PTPRN2: variants seen among roughly 807,000 people sequenced by gnomAD.
PTPRN2 encodes receptor-type tyrosine-protein phosphatase N2.
In PTPRN2, 74 loss-of-function variants were observed where a neutral mutation model predicts 118.8. That is an observed-to-expected ratio of 0.62 (90% CI 0.52 to 0.76). The LOEUF is 0.76. Ranked by LOEUF, PTPRN2 falls within the 30% of genes least tolerant of loss-of-function variation. The pLI is 0.00. For synonymous variants in PTPRN2, 641 were observed against 608.0 expected, an observed-to-expected ratio of 1.05 and a Z score of -0.80; for missense variants, 1,481 against 1,394.4, an observed-to-expected ratio of 1.06 and a Z score of -0.99.
intron 5 of PTPRN2, among the ~76,000 whole-genome samples, chr7:158,187,439 G>A (rs1825264627): frequency 6.6e-6 from 1 of 152,188 alleles, no homozygotes; most frequent in South Asian, 2.1e-4. Flanking sequence ...GCTGAGAGGG[G>A]AGGGGAGAAG....
At chr7:158,142,463 C>T (rs1008183486) in intron 6 of PTPRN2, among the ~76,000 whole-genome samples, 1 of 152,242 alleles carries the variant, frequency 6.6e-6, no homozygotes, top group Non-Finnish European at 1.5e-5. Flanking sequence ...TCAACAGCAG[C>T]TGTACCCAGA....
intron 1 of PTPRN2, among the ~76,000 whole-genome samples, chr7:158,503,511 A>G (rs942545594): frequency 7.2e-5 from 11 of 152,232 alleles, no homozygotes; most frequent in African/African-American, 2.7e-4. Flanking sequence ...AACTGGAAGC[A>G]TCCGTTCATT....
chr7:157,582,168 T>C (rs1800421270), intron 17 of PTPRN2, among the ~76,000 whole-genome samples: 1 of 152,168 alleles, frequency 6.6e-6, no homozygotes, highest in Admixed American at 6.5e-5. Context: ...CACTCTCTTC[T>C]TCACCCATCA....
intron 6 of PTPRN2, among the ~76,000 whole-genome samples, chr7:158,154,872 A>G (rs532740263): frequency 1.3e-5 from 2 of 152,350 alleles, no homozygotes; most frequent in African/African-American, 4.8e-5. Context: ...ACAGCATTTT[A>G]TGAACATGCT....
In PTPRN2 at chr7:157,690,254, T is replaced by C. The variant is rs977676996; in HGVS notation, c.1789-7317A>G. On this transcript the variant is annotated intron_variant, in intron 12 of 22. Transcript: ENST00000389418. This position sits in a 1 kb window ranked among gnomAD's most constrained non-coding sequence, Gnocchi z 7.1. ...CCTCACAGGCCCACCCTAGACCCAC[T>C]TGGGGATGATCCCAGGCGCAGCTCT... 1.3e-5 allele frequency among the ~76,000 whole-genome samples: 2 copies of C among 152,124 alleles called. No individual in the cohort carries two copies. The highest frequency in any genetic ancestry group is 6.5e-5 in the Admixed American group (1 of 15,286).
At chr7:158,531,050 G>C (rs530450160) in intron 1 of PTPRN2, among the ~76,000 whole-genome samples, 1 of 152,236 alleles carries the variant, frequency 6.6e-6, no homozygotes, top group African/African-American at 2.4e-5. Flanking sequence ...GTGCATGGGC[G>C]TGGGTGAGCA....
rs1262708012 is a variant in PTPRN2, at chr7:158,085,318, C to A, written c.1644-3941G>T. On this transcript the variant is annotated intron_variant, in intron 10 of 22. Coordinates refer to ENST00000389418, the MANE Select transcript of PTPRN2 (RefSeq NM_002847.5). ...CGACGCCCATCCACACCCACGACGC[C>A]CATTCACACATGCCCATCCACACCC... Among the ~76,000 whole-genome samples, 17 of 129,724 alleles carry A rather than the reference C, an allele frequency of 1.3e-4. 1 individual carries two copies. Among genetic ancestry groups the A allele is most frequent in the Admixed American group, 8.4e-4 (11 of 13,040 alleles). 85.1% of individuals were successfully genotyped at this position (129,724 alleles called of 152,430 possible).
intron 13 of PTPRN2, among the ~76,000 whole-genome samples, chr7:157,675,274 C>T (rs912409139): frequency 2.0e-5 from 3 of 152,152 alleles, no homozygotes; most frequent in Non-Finnish European, 4.4e-5. Context: ...TCCCTCCTGC[C>T]GAGCCCTCAC....
chr7:157,840,611 G>C (rs1344327575), intron 12 of PTPRN2, among the ~76,000 whole-genome samples: 1 of 152,240 alleles, frequency 6.6e-6, no homozygotes, highest in African/African-American at 2.4e-5. Context: ...CACAGAGCAG[G>C]CCCCGTGTTG....
At chr7:157,601,303 T>C (rs968638241) in intron 16 of PTPRN2, among the ~76,000 whole-genome samples, 4 of 152,244 alleles carry the variant, frequency 2.6e-5, no homozygotes, top group Non-Finnish European at 5.9e-5. Context: ...AGTTTTATCC[T>C]GCACAGCCAG....
At chr7:157,725,582 G>A (rs373873939) in intron 12 of PTPRN2, among the ~76,000 whole-genome samples, 293 of 107,174 alleles carry the variant, frequency 2.7e-3, no homozygotes, top group East Asian at 8.6e-3. Flanking sequence ...CCAGACCCTC[G>A]CCTCCCAGGA....
chr7:158,331,120 C>T (rs1481613437), intron 2 of PTPRN2, among the ~76,000 whole-genome samples: 26 of 149,316 alleles, frequency 1.7e-4, no homozygotes, highest in African/African-American at 4.7e-4. Context: ...CACCCACACT[C>T]TCACCATAAG....
At chr7:158,017,266 C>T (rs1473346174) in intron 11 of PTPRN2, among the ~76,000 whole-genome samples, 2 of 152,142 alleles carry the variant, frequency 1.3e-5, no homozygotes, top group African/African-American at 4.8e-5. Flanking sequence ...CCTTGGCTTT[C>T]CCAGCTAGGA....
At chr7:157,605,531 C>T (rs983219482) in intron 15 of PTPRN2, among the ~76,000 whole-genome samples, 8 of 152,174 alleles carry the variant, frequency 5.3e-5, no homozygotes, top group Admixed American at 2.6e-4. Context: ...CCCCACCATT[C>T]GACAGGTCCT....
chr7:157,813,820 C>A lies in PTPRN2; in HGVS notation c.1788+84853G>T, dbSNP rs983868353. 1.3e-5 allele frequency among the ~76,000 whole-genome samples: 2 copies of A among 152,212 alleles called. No individual in the cohort carries two copies. The highest frequency in any genetic ancestry group is 2.4e-5 in the African/African-American group (1 of 41,452). The stretch of plus-strand genomic sequence containing the variant: ...CCCTGAGTCAGAATGGCCTGGAGCG[C>A]GGGTAAAACAGCTCGGGGCCAGCCA... On this transcript the variant is annotated intron_variant, in intron 12 of 22. Transcript: ENST00000389418. This position sits in a 1 kb window ranked among gnomAD's most constrained non-coding sequence, Gnocchi z 4.7.
At chr7:157,625,750 GA>G (rs971859799) in intron 14 of PTPRN2, among the ~76,000 whole-genome samples, 2 of 151,838 alleles carry the variant, frequency 1.3e-5, no homozygotes, top group Non-Finnish European at 2.9e-5. Flanking sequence ...AGTTAGCTCA[GA>G]AAAAAAACCT....
chr7:158,543,016 T>A (rs115627314), intron 1 of PTPRN2, among the ~76,000 whole-genome samples: 5,907 of 152,188 alleles, frequency 0.039, 360 homozygotes, highest in African/African-American at 0.13. Flanking sequence ...CCGGGTTGGG[T>A]CAGAATAAGG....
intron 2 of PTPRN2, among the ~76,000 whole-genome samples, chr7:158,395,312 T>TGAGGGGC (rs1171399088): frequency 4.3e-4 from 16 of 37,016 alleles, no homozygotes; most frequent in African/African-American, 1.7e-3. Flanking sequence ...GGGCGAGGGG[T>TGAGGGGC]GAGGGGCGAG....
Position 158,167,123 on chromosome 7 carries a change from G to A in PTPRN2, c.718C>T (p.His240Tyr), listed in dbSNP as rs556225629. The change falls in exon 6 of 23, where the codon CAC (histidine) becomes TAC (tyrosine). Residue 240 changes from histidine (H) to tyrosine (Y), a missense_variant. By Grantham distance (83) the His-to-Tyr change is moderately conservative (BLOSUM62 2). Transcript: ENST00000389418. ...SPKVDSGVDR[H>Y]HLMAALSAYA... ...GCACTGAGGGCCGCCATCAGATGGT[G>A]TCTGTCCACACCACTGTCCACCTTA... 11 of 1,613,768 alleles carry A rather than the reference G, an allele frequency of 6.8e-6. No homozygotes were observed. In the South Asian group the frequency reaches 7.7e-5, roughly 11 times the overall value.
Sources: allele counts gnomAD v4.1 joint callset (sites outside exome capture counted in the v4.1 genomes callset), GRCh38; gene constraint gnomAD v4.1.1; non-coding constraint Gnocchi (gnomAD v3.1); transcripts MANE v1.5; gene names NCBI Gene and HGNC (gene_info 2026-07-23, HGNC 2026-07-21).